Variants in WDR25 observed in about 807,000 individuals in gnomAD.
The protein encoded by WDR25 is WD repeat-containing protein 25.
Under a neutral mutation model 47.7 loss-of-function variants are expected in WDR25, and 35 were observed. That is an observed-to-expected ratio of 0.73 (90% CI 0.56 to 0.97). WDR25 has a LOEUF of 0.97. Among genes scored for constraint, WDR25 ranks in the 50% least tolerant of loss-of-function variants. WDR25 has a pLI of 0.00. For missense variants in WDR25, 634 were observed against 704.7 expected, an observed-to-expected ratio of 0.90 and a Z score of 1.14; for synonymous variants, 248 against 278.9, an observed-to-expected ratio of 0.89 and a Z score of 1.10.
rs759025824 is a variant in WDR25 at position 100,499,959 on chromosome 14, C to A, written c.1101+15835C>A. 6.6e-6 allele frequency among the ~76,000 whole-genome samples: 1 copy of A among 152,122 alleles called. No individual in the cohort carries two copies. Among genetic ancestry groups the A allele is most frequent in the Non-Finnish European group, 1.5e-5 (1 of 68,008 alleles). ...GGAAATTGACACCAGATAGCTCTGT[C>A]TGGTGGGGAGACAGAGCTGTCCCTG... On this transcript the variant is annotated intron_variant, in intron 4 of 6. Coordinates refer to ENST00000402312, the MANE Select transcript of WDR25 (RefSeq NM_001161476.3). The surrounding 1 kb of genome is among the most constrained non-coding windows in gnomAD (Gnocchi z 4.4).
chr14:100,513,938 C>CT (rs761749635), intron 4 of WDR25, among the ~76,000 whole-genome samples: 2,059 of 141,434 alleles, frequency 0.015, 21 homozygotes, highest in South Asian at 0.023. Flanking sequence ...ATCTTTTTTA[C>CT]TTTTTTTTTT....
rs1198800540 is a variant in WDR25 at position 100,425,611 on chromosome 14, G to T, written c.823-42410G>T. ...AGCTCATCAGGCAGCACCGTCGGACGCTGATGGTGGGGGCTGGGCCCTGTG... is the reference window on the plus strand; with the variant it reads ...AGCTCATCAGGCAGCACCGTCGGACTCTGATGGTGGGGGCTGGGCCCTGTG... On this transcript the variant is annotated intron_variant, in intron 2 of 6. Transcript: ENST00000402312. This position sits in a 1 kb window ranked among gnomAD's most constrained non-coding sequence, Gnocchi z 4.8. 2.0e-5 allele frequency among the ~76,000 whole-genome samples: 3 copies of T among 152,230 alleles called. No homozygotes were observed. The highest frequency in any genetic ancestry group is 6.5e-5 in the Admixed American group (1 of 15,288).
intron 2 of WDR25, among the ~76,000 whole-genome samples, chr14:100,416,369 C>G (rs1269034058): frequency 6.6e-6 from 1 of 152,150 alleles, no homozygotes; most frequent in Non-Finnish European, 1.5e-5. Flanking sequence ...GATGTAAAAA[C>G]TTTGCTGTTT....
chr14:100,445,467 A>AT (rs895795158), intron 2 of WDR25, among the ~76,000 whole-genome samples: 29 of 151,622 alleles, frequency 1.9e-4, no homozygotes, highest in African/African-American at 6.3e-4. Flanking sequence ...GTTTATCATA[A>AT]AACTCACACC....
At chr14:100,495,596 G>A (rs549511571) in intron 4 of WDR25, among the ~76,000 whole-genome samples, 3 of 152,094 alleles carry the variant, frequency 2.0e-5, no homozygotes, top group Non-Finnish European at 4.4e-5. Flanking sequence ...TTCTGGCCCT[G>A]GTTCCTGTGG....
intron 4 of WDR25, among the ~76,000 whole-genome samples, chr14:100,484,368 A>G (rs1900308925): frequency 6.6e-6 from 1 of 152,230 alleles, no homozygotes; most frequent in East Asian, 1.9e-4. Context: ...TTGAACACCT[A>G]CTGTGCACAA....
At chr14:100,418,747 G>C (rs1897943871) in intron 2 of WDR25, among the ~76,000 whole-genome samples, 1 of 151,680 alleles carries the variant, frequency 6.6e-6, no homozygotes, top group Non-Finnish European at 1.5e-5. Context: ...ACATCCCTGG[G>C]AGTTTGGGGT....
At chr14:100,511,292 G>T (rs1901302235) in intron 4 of WDR25, among the ~76,000 whole-genome samples, 1 of 152,070 alleles carries the variant, frequency 6.6e-6, no homozygotes, top group South Asian at 2.1e-4. Context: ...TGATGCTATT[G>T]TAAGTGATAT....
chr14:100,390,397 G>GTA (rs1897115362), intron 2 of WDR25, among the ~76,000 whole-genome samples: 3 of 132,400 alleles, frequency 2.3e-5, no homozygotes. Flanking sequence ...AAAGCTGTGT[G>GTA]TGTGTGTGTG....
intron 4 of WDR25, among the ~76,000 whole-genome samples, chr14:100,508,551 T>C (rs1172406683): frequency 6.6e-6 from 1 of 152,250 alleles, no homozygotes; most frequent in East Asian, 1.9e-4. Flanking sequence ...CATGATCATG[T>C]AGTCTGTATT....
intron 2 of WDR25, among the ~76,000 whole-genome samples, chr14:100,416,419 G>A (rs1566899594): frequency 1.3e-5 from 2 of 152,114 alleles, no homozygotes; most frequent in South Asian, 2.1e-4. Flanking sequence ...CAAACAGTAC[G>A]GGATGCAAAC....
At chr14:100,511,236 T>C (rs1192281424) in intron 4 of WDR25, among the ~76,000 whole-genome samples, 3 of 152,178 alleles carry the variant, frequency 2.0e-5, no homozygotes, top group Non-Finnish European at 4.4e-5. Context: ...ATAGTGTAGG[T>C]CTTTCACATT....
rs774947674 is a variant in WDR25 at position 100,502,240 on chromosome 14, C to T, written c.1101+18116C>T. Among the ~76,000 whole-genome samples the T allele has an allele frequency of 1.3e-5, 2 of 152,232 alleles. No individual in the cohort carries two copies. The highest frequency in any genetic ancestry group is 2.9e-5 in the Non-Finnish European group (2 of 68,028). ...TCCCACTCAGCTCTGAGCCTGATGTCATCCACCTCTGTACATTGTCCGAGG... is the reference window on the plus strand; with the variant it reads ...TCCCACTCAGCTCTGAGCCTGATGTTATCCACCTCTGTACATTGTCCGAGG... On this transcript the variant is annotated intron_variant, in intron 4 of 6. Transcript: ENST00000402312. The surrounding 1 kb of genome is among the most constrained non-coding windows in gnomAD (Gnocchi z 4.5).
At chr14:100,442,371 C>T (rs1232940820) in intron 2 of WDR25, among the ~76,000 whole-genome samples, 1 of 152,200 alleles carries the variant, frequency 6.6e-6, no homozygotes, top group Non-Finnish European at 1.5e-5. Flanking sequence ...CCTGGGGGAG[C>T]TCCCAGGCTG....
At chr14:100,380,853 A>C in intron 1 of WDR25, 57 bp from the exon 2 acceptor site, 6 of 1,461,114 alleles carry the variant, frequency 4.1e-6, no homozygotes, top group Non-Finnish European at 5.6e-6. Context: ...GTTTCTTATA[A>C]CTACATACAT....
chr14:100,484,469 TGTGTGTGTGTGTGTGC>T (rs1024653080), intron 4 of WDR25, among the ~76,000 whole-genome samples: 4 of 151,666 alleles, frequency 2.6e-5, no homozygotes, highest in African/African-American at 9.7e-5. Flanking sequence ...AATTGGTGTG[TGTGTGTGTGTGTGTGC>T]GTGTGTGTGT....
chr14:100,452,233 C>G (rs1394933272), intron 2 of WDR25, among the ~76,000 whole-genome samples: 1 of 152,174 alleles, frequency 6.6e-6, no homozygotes, highest in Admixed American at 6.5e-5. Context: ...TCTATGCCGT[C>G]ACTCACTCAA....
chr14:100,502,656 G>A lies in WDR25; in HGVS notation c.1101+18532G>A, dbSNP rs1900967755. ...TGGCCACGGCGTGGGGGAACATGAG[G>A]TCCCTCCCTGCATGGCGAGGGGAGG... On this transcript the variant is annotated intron_variant, in intron 4 of 6. Transcript: ENST00000402312. This position sits in a 1 kb window ranked among gnomAD's most constrained non-coding sequence, Gnocchi z 4.5. Among the ~76,000 whole-genome samples the A allele has an allele frequency of 6.6e-6, 1 of 152,192 alleles. No individual in the cohort carries two copies. The highest frequency in any genetic ancestry group is 2.1e-4 in the South Asian group (1 of 4,826).
chr14:100,405,974 T>C (rs1254060159), intron 2 of WDR25, among the ~76,000 whole-genome samples: 1 of 152,192 alleles, frequency 6.6e-6, no homozygotes, highest in Non-Finnish European at 1.5e-5. Flanking sequence ...TCTTGACTTT[T>C]GGGCCTGGGT....
Sources: allele counts gnomAD v4.1 joint callset (sites outside exome capture counted in the v4.1 genomes callset), GRCh38; gene constraint gnomAD v4.1.1; non-coding constraint Gnocchi (gnomAD v3.1); transcripts MANE v1.5; gene names NCBI Gene and HGNC (gene_info 2026-07-23, HGNC 2026-07-21).